CNTN1: variants seen among roughly 807,000 people sequenced by gnomAD.
CNTN1 encodes the protein contactin-1.
CNTN1 carries 38 observed loss-of-function variants against 126.4 expected under a neutral mutation model. That is an observed-to-expected ratio of 0.30 (90% CI 0.23 to 0.39). CNTN1 has a LOEUF of 0.39. Ranked by LOEUF, CNTN1 falls within the 10% of genes least tolerant of loss-of-function variation. The probability of loss-of-function intolerance (pLI) is 1.00; values close to 1 mark genes in which losing one functional copy is unlikely to be tolerated. For synonymous variants in CNTN1, 413 were observed against 422.6 expected (o/e 0.98, Z 0.28); for missense variants, 1,009 against 1,248.4 (o/e 0.81, Z 2.89).
At chr12:40,770,647 T>G (rs1178352375) in intron 1 of CNTN1, among the ~76,000 whole-genome samples, 13 of 152,064 alleles carry the variant, frequency 8.5e-5, no homozygotes, top group Admixed American at 8.5e-4. Flanking sequence ...AAATAGGAAT[T>G]TTAGAGTCTA....
chr12:40,918,805 T>C (rs371330933), intron 4 of CNTN1, 34 bp downstream of exon 4: 2 of 1,611,686 alleles, frequency 1.2e-6, no homozygotes, highest in African/African-American at 1.3e-5. Flanking sequence ...CAGAGTGGAG[T>C]GTCAGAGTAA....
chr12:40,873,591 G>T (rs565018791), intron 1 of CNTN1, among the ~76,000 whole-genome samples: 14 of 152,166 alleles, frequency 9.2e-5, no homozygotes, highest in African/African-American at 2.6e-4. Context: ...TAGTGTGTTA[G>T]GCCAAAGGAT....
chr12:41,023,453 G>A (rs971197461), intron 20 of CNTN1, among the ~76,000 whole-genome samples: 4 of 152,196 alleles, frequency 2.6e-5, no homozygotes, highest in African/African-American at 9.6e-5. Context: ...TTTCTATAGT[G>A]TAGGTAAGCT....
chr12:41,061,656 T>C, intron 23 of CNTN1: 1 of 330,022 alleles, frequency 3.0e-6, no homozygotes. Flanking sequence ...ATTTTATGGC[T>C]CAATGCTTGA....
chr12:41,060,350 T>C (rs972208058), intron 23 of CNTN1, among the ~76,000 whole-genome samples: 3 of 152,214 alleles, frequency 2.0e-5, no homozygotes, highest in African/African-American at 7.2e-5. Flanking sequence ...AGACTTGCAC[T>C]GAAGAGGAAC....
intron 1 of CNTN1, among the ~76,000 whole-genome samples, chr12:40,745,053 A>T (rs940605162): frequency 1.8e-4 from 28 of 152,086 alleles, no homozygotes; most frequent in Admixed American, 1.3e-4. Context: ...CTTCATAATC[A>T]CCGTATTTAG....
chr12:40,933,840 G>C lies in CNTN1; in HGVS notation c.947G>C (p.Arg316Thr). Residue 316 changes from arginine (R) to threonine (T), a missense_variant, in exon 9 of 24, where the codon AGA (arginine) becomes ACA (threonine). Coordinates refer to ENST00000551295, the MANE Select transcript of CNTN1 (RefSeq NM_001843.4). ...TATGAATGTGAGGCTGAGAACATTA[G>C]AGGAAAGGATAAACATCAAGCAAGA... ...GIYECEAENI[R>T]GKDKHQARIY... 6.2e-7 allele frequency: 1 copy of C among 1,612,430 alleles called. No homozygotes were observed. Among genetic ancestry groups the C allele is most frequent in the East Asian group, 2.2e-5 (1 of 44,834 alleles).
At chr12:40,791,174 C>T (rs567278113) in intron 1 of CNTN1, among the ~76,000 whole-genome samples, 29 of 152,184 alleles carry the variant, frequency 1.9e-4, no homozygotes, top group Admixed American at 5.2e-4. Context: ...ATATTTAGTT[C>T]ATCAACTTTT....
At chr12:40,705,726 AG>A (rs1311566001) in intron 1 of CNTN1, among the ~76,000 whole-genome samples, 2 of 152,188 alleles carry the variant, frequency 1.3e-5, no homozygotes, top group Non-Finnish European at 2.9e-5. Context: ...TAATTTATAA[AG>A]AAAAGAGGTT....
intron 1 of CNTN1, among the ~76,000 whole-genome samples, chr12:40,701,890 C>T (rs940610479): frequency 1.1e-4 from 17 of 152,106 alleles, no homozygotes; most frequent in African/African-American, 3.9e-4. Context: ...GCCCAATGAG[C>T]TATAACAAAG....
At chr12:40,769,127 G>A (rs1336437179) in intron 1 of CNTN1, among the ~76,000 whole-genome samples, 1 of 151,934 alleles carries the variant, frequency 6.6e-6, no homozygotes, top group Non-Finnish European at 1.5e-5. Flanking sequence ...ATATACCATA[G>A]TGCATCTGTG....
chr12:40,859,117 A>G (rs1383804184), intron 1 of CNTN1, among the ~76,000 whole-genome samples: 1 of 152,136 alleles, frequency 6.6e-6, no homozygotes, highest in Non-Finnish European at 1.5e-5. Context: ...CGTCCTACAC[A>G]TGTACCCCAG....
At chr12:41,021,313 A>C (rs1948904046) in intron 20 of CNTN1, among the ~76,000 whole-genome samples, 1 of 151,006 alleles carries the variant, frequency 6.6e-6, no homozygotes, top group Non-Finnish European at 1.5e-5. Context: ...TTTTTTTTTC[A>C]GTGAGTGCTG....
intron 1 of CNTN1, among the ~76,000 whole-genome samples, chr12:40,842,229 T>G (rs1942313462): frequency 6.6e-6 from 1 of 152,110 alleles, no homozygotes; most frequent in Admixed American, 6.5e-5. Flanking sequence ...AGTATCTTGA[T>G]GAACAAGTTT....
chr12:40,775,587 A>G (rs1454400444), intron 1 of CNTN1, among the ~76,000 whole-genome samples: 6 of 151,502 alleles, frequency 4.0e-5, no homozygotes, highest in Non-Finnish European at 5.9e-5. Flanking sequence ...CATTTGAGAA[A>G]TCGTTTCTCC....
chr12:40,844,153 C>T (rs1248187424), intron 1 of CNTN1, among the ~76,000 whole-genome samples: 3 of 145,272 alleles, frequency 2.1e-5, no homozygotes, highest in Admixed American at 7.2e-5. Context: ...CCGCAACCTC[C>T]GCCTCCAGGG....
chr12:40,942,437 A>G (rs1274673944), intron 12 of CNTN1, among the ~76,000 whole-genome samples: 2 of 152,126 alleles, frequency 1.3e-5, no homozygotes, highest in African/African-American at 4.8e-5. Context: ...TTCTAAGAGT[A>G]TGGTCATGCC....
At chr12:40,962,964 G>A (rs1446514794) in intron 15 of CNTN1, among the ~76,000 whole-genome samples, 5 of 152,046 alleles carry the variant, frequency 3.3e-5, no homozygotes, top group African/African-American at 7.2e-5. Flanking sequence ...CTGTTGTCCA[G>A]GAGGTCTAAC....
At chr12:40,802,426 C>T (rs1015795537) in intron 1 of CNTN1, among the ~76,000 whole-genome samples, 3 of 151,902 alleles carry the variant, frequency 2.0e-5, no homozygotes, top group Non-Finnish European at 1.5e-5. Flanking sequence ...TATTTCTCAA[C>T]ACAAGTTCAT....
Sources: gnomAD v4.1 joint callset for allele counts (sites outside exome capture counted in the v4.1 genomes callset) on GRCh38, gnomAD v4.1.1 for gene constraint, MANE v1.5 for transcripts, NCBI Gene and HGNC (gene_info 2026-07-23, HGNC 2026-07-21) for gene names.